The following PTPRR variants were observed in gnomAD, a reference collection of about 807,000 sequenced individuals.
PTPRR encodes the protein receptor-type tyrosine-protein phosphatase R.
In PTPRR, 38 loss-of-function variants were observed where a neutral mutation model predicts 77.2. The observed-to-expected ratio is 0.49, with a 90% CI of 0.38 to 0.65. The LOEUF (loss-of-function observed/expected upper bound fraction) is 0.65, where lower values mean the gene tolerates loss of function less well. Ranked by LOEUF, PTPRR falls within the 30% of genes least tolerant of loss-of-function variation. PTPRR has a pLI of 0.00. For synonymous variants in PTPRR, 299 were observed against 283.1 expected (o/e 1.06, Z -0.57); for missense variants, 744 against 799.2 (o/e 0.93, Z 0.83).
At chr12:70,851,559 G>T (rs1267419146) in intron 2 of PTPRR, among the ~76,000 whole-genome samples, 1 of 152,172 alleles carries the variant, frequency 6.6e-6, no homozygotes, top group Admixed American at 6.6e-5. Flanking sequence ...TCTGAAAACA[G>T]AGAGAATAAG....
At position 70,745,784 on chromosome 12, in the gene PTPRR, A is replaced by C. The variant is rs763983085; in HGVS notation, c.1007+34T>G. 2.0e-5 allele frequency: 31 copies of C among 1,576,248 alleles called. No homozygotes were observed. The African/African-American group carries it at 4.1e-4, about 21-fold the overall frequency. ...GTTGATGAATACTCTTTTTATAAAA[A>C]GCCACACGTAGGGTATACAGAACAA... On this transcript the variant is annotated intron_variant, in intron 6 of 13. Coordinates refer to ENST00000283228, the MANE Select transcript of PTPRR (RefSeq NM_002849.4).
rs562389482 is a variant in PTPRR at position 70,767,738 on chromosome 12, G to A, written c.358-2960C>T. The stretch of plus-strand genomic sequence containing the variant: ...TTTTTTTCAGCACCACACCACACCT[G>A]TTCCAAAATTGACCACATACTTGGA... On this transcript the variant is annotated intron_variant, in intron 2 of 13. Coordinates refer to ENST00000283228, the MANE Select transcript of PTPRR (RefSeq NM_002849.4). 2.8e-3 allele frequency among the ~76,000 whole-genome samples: 421 copies of A among 152,166 alleles called. 2 individuals are homozygous for A. Among genetic ancestry groups the A allele is most frequent in the African/African-American group, 8.8e-3 (365 of 41,528 alleles).
chr12:70,696,449 C>G (rs764842705), intron 8 of PTPRR, among the ~76,000 whole-genome samples: 15 of 152,116 alleles, frequency 9.9e-5, no homozygotes, highest in Non-Finnish European at 1.6e-4. Flanking sequence ...CAAAGTGGAT[C>G]CTGGTTTCAT....
chr12:70,862,748 A>C (rs1458325582), intron 2 of PTPRR, among the ~76,000 whole-genome samples: 1 of 135,178 alleles, frequency 7.4e-6, no homozygotes, highest in African/African-American at 3.0e-5. Context: ...AATAATAATA[A>C]AATAAAAAAA....
At chr12:70,735,880 ACT>A (rs1449672238) in intron 6 of PTPRR, among the ~76,000 whole-genome samples, 2 of 151,986 alleles carry the variant, frequency 1.3e-5, no homozygotes, top group African/African-American at 4.8e-5. Flanking sequence ...ATCAGCTGTG[ACT>A]CTGCATCCTT....
At chr12:70,852,225 G>A (rs568661258) in intron 2 of PTPRR, among the ~76,000 whole-genome samples, 3 of 152,006 alleles carry the variant, frequency 2.0e-5, no homozygotes, top group Non-Finnish European at 2.9e-5. Context: ...AAGATGTAAA[G>A]GGTTGGAAAA....
intron 2 of PTPRR, among the ~76,000 whole-genome samples, chr12:70,795,593 T>C (rs1229565055): frequency 1.3e-5 from 2 of 152,110 alleles, no homozygotes; most frequent in Admixed American, 6.6e-5. Context: ...TCCATTAGAG[T>C]TTGTATAAAT....
chr12:70,684,084 A>T (rs751297629), intron 10 of PTPRR, 43 bp downstream of exon 10: 1 of 1,595,742 alleles, frequency 6.3e-7, no homozygotes, highest in South Asian at 1.1e-5. Flanking sequence ...CTTCTATAGC[A>T]ACAGAACACA....
At chr12:70,755,270 C>A (rs7981022) in intron 4 of PTPRR, among the ~76,000 whole-genome samples, 1 of 151,896 alleles carries the variant, frequency 6.6e-6, no homozygotes, top group Non-Finnish European at 1.5e-5. Flanking sequence ...CCTTTTTATT[C>A]CCTTTAGTGA....
intron 5 of PTPRR, among the ~76,000 whole-genome samples, chr12:70,749,847 C>A: frequency 6.6e-6 from 1 of 152,166 alleles, no homozygotes; most frequent in East Asian, 1.9e-4. Flanking sequence ...CTGTAGACAT[C>A]TCTAGCTATA....
intron 10 of PTPRR, chr12:70,672,795 C>A: frequency 1.3e-6 from 2 of 1,563,584 alleles, no homozygotes; most frequent in Non-Finnish European, 1.7e-6. Context: ...CTGTCTTTCT[C>A]AAGAAGGGAG....
chr12:70,673,844 T>A (rs565784176), intron 10 of PTPRR, among the ~76,000 whole-genome samples: 1 of 152,324 alleles, frequency 6.6e-6, no homozygotes, highest in African/African-American at 2.4e-5. Context: ...TAGTCATTTT[T>A]AATGGTTTTT....
chr12:70,663,855 T>C (rs1403238213), intron 10 of PTPRR, among the ~76,000 whole-genome samples: 7 of 152,226 alleles, frequency 4.6e-5, no homozygotes, highest in African/African-American at 1.4e-4. Context: ...CCAGGACACT[T>C]GTTTCTTCAC....
chr12:70,645,984 G>T (rs980357701), intron 13 of PTPRR, among the ~76,000 whole-genome samples: 4 of 152,094 alleles, frequency 2.6e-5, no homozygotes, highest in Non-Finnish European at 5.9e-5. Flanking sequence ...CTTTCCTGTC[G>T]TACCGCCCAG....
intron 2 of PTPRR, 146 bp downstream of exon 2, chr12:70,892,533 T>C: frequency 1.0e-6 from 1 of 985,806 alleles, no homozygotes; most frequent in South Asian, 1.7e-5. Flanking sequence ...AAGTAAGAAA[T>C]TAGAAGTACC....
At chr12:70,823,083 C>G (rs1193952083) in intron 2 of PTPRR, among the ~76,000 whole-genome samples, 2 of 148,002 alleles carry the variant, frequency 1.4e-5, no homozygotes, top group Non-Finnish European at 3.0e-5. Flanking sequence ...TCTCTTTTCT[C>G]TTCTCTCTTG....
At chr12:70,827,709 C>CTTTTTTTTT (rs869285373) in intron 2 of PTPRR, among the ~76,000 whole-genome samples, 1 of 63,870 alleles carries the variant, frequency 1.6e-5, no homozygotes, top group Non-Finnish European at 2.7e-5. Context: ...CCACACCTGG[C>CTTTTTTTTT]TTTTTTTTTT....
intron 8 of PTPRR, among the ~76,000 whole-genome samples, chr12:70,694,490 A>T (rs1888160282): frequency 6.6e-6 from 1 of 152,198 alleles, no homozygotes; most frequent in Non-Finnish European, 1.5e-5. Flanking sequence ...GAACAAAATC[A>T]TGTCCTTTGC....
Position 70,754,253 on chromosome 12 carries a change from C to T in PTPRR, c.676G>A (p.Glu226Lys). The T allele has an allele frequency of 6.2e-7, 1 of 1,613,794 alleles. No individual in the cohort carries two copies. The part of the protein sequence containing the change: ...QHEADKIWSK[E>K]GFYAVVIFLS... ...AAAATGACAACAGCATAAAATCCTT[C>T]TTTGCTCCAGATTTTGTCCGCTTCA... is the stretch of plus-strand genomic sequence containing the variant. Residue 226 changes from glutamate (E) to lysine (K), a missense_variant, in exon 5 of 14, where the codon GAA becomes AAA. By Grantham distance (56) the Glu-to-Lys change is moderately conservative. Transcript: ENST00000283228.
Sources: gnomAD v4.1 joint callset for allele counts (sites outside exome capture counted in the v4.1 genomes callset) on GRCh38, gnomAD v4.1.1 for gene constraint, MANE v1.5 for transcripts, NCBI Gene and HGNC (gene_info 2026-07-23, HGNC 2026-07-21) for gene names.